AGBL1: variants seen among roughly 807,000 people sequenced by gnomAD.
The protein encoded by AGBL1 is cytosolic carboxypeptidase 4.
Under a neutral mutation model 118.9 loss-of-function variants are expected in AGBL1, and 130 were observed. That is an observed-to-expected ratio of 1.09 (90% confidence interval 0.95 to 1.26). The LOEUF is 1.26. Ranked by LOEUF, AGBL1 falls within the 50% of genes most tolerant of loss-of-function variation. AGBL1 has a pLI of 0.00. For missense variants in AGBL1, 1,584 were observed against 1,298.1 expected, an observed-to-expected ratio of 1.22 and a Z score of -3.38; for synonymous variants, 555 against 478.9, an observed-to-expected ratio of 1.16 and a Z score of -2.08.
intron 18 of AGBL1, among the ~76,000 whole-genome samples, chr15:86,402,279 G>A (rs1262425552): frequency 2.0e-5 from 3 of 152,068 alleles, no homozygotes; most frequent in African/African-American, 7.2e-5. Flanking sequence ...TACTGTTAGT[G>A]TATAGCAGTG....
intron 21 of AGBL1, among the ~76,000 whole-genome samples, chr15:86,620,987 G>A (rs1387590367): frequency 2.1e-5 from 3 of 141,550 alleles, no homozygotes; most frequent in Admixed American, 2.1e-4. Context: ...CATAGCTATT[G>A]CTGCTAAGTT....
chr15:86,571,506 G>C (rs1289209037), intron 21 of AGBL1, among the ~76,000 whole-genome samples: 1 of 152,110 alleles, frequency 6.6e-6, no homozygotes, highest in Non-Finnish European at 1.5e-5. Flanking sequence ...GAGGGTACTT[G>C]CTCTCTGCAG....
rs146866863 is a variant in AGBL1 at position 86,664,612 on chromosome 15, C to T, written c.2995-9661C>T. Among the ~76,000 whole-genome samples the T allele has an allele frequency of 2.6e-5, 4 of 152,146 alleles. No homozygotes were observed. In the East Asian group the frequency reaches 7.7e-4, roughly 29 times the overall value. ...AGACCTTTTTGCTGGGGGTTTACCT[C>T]CCCTGCCAAGTAGACACAAGCCTAG... On this transcript the variant is annotated intron_variant, in intron 21 of 22. Transcript: ENST00000614907.
chr15:86,663,447 C>T (rs1269819379), intron 21 of AGBL1, among the ~76,000 whole-genome samples: 3 of 152,140 alleles, frequency 2.0e-5, no homozygotes, highest in Non-Finnish European at 4.4e-5. Context: ...AAAGAGATTA[C>T]TCCTGCTAGT....
chr15:87,027,869 C>G (rs961438375), intron 24 of AGBL1, among the ~76,000 whole-genome samples: 1 of 151,858 alleles, frequency 6.6e-6, no homozygotes, highest in Non-Finnish European at 1.5e-5. Context: ...ACAACACACA[C>G]TGGGGCCTCT....
chr15:86,771,473 A>G (rs1269645259), intron 22 of AGBL1, among the ~76,000 whole-genome samples: 2 of 151,968 alleles, frequency 1.3e-5, no homozygotes, highest in Admixed American at 6.6e-5. Flanking sequence ...GACTCTGGAT[A>G]ACTTTTTGGA....
chr15:86,993,615 T>G (rs930176144), intron 24 of AGBL1, among the ~76,000 whole-genome samples: 3 of 152,200 alleles, frequency 2.0e-5, no homozygotes, highest in African/African-American at 7.2e-5. Flanking sequence ...GCTGCCTTTG[T>G]TGAAGTTCAG....
At chr15:86,271,817 A>G (rs936737226) in intron 15 of AGBL1, 111 bp downstream of exon 15, 9 of 1,020,246 alleles carry the variant, frequency 8.8e-6, no homozygotes, top group Non-Finnish European at 1.3e-5. Context: ...TGTCTGCTAA[A>G]CTTTTTGTCA....
chr15:86,676,526 A>G (rs2085850439), intron 22 of AGBL1, among the ~76,000 whole-genome samples: 1 of 152,102 alleles, frequency 6.6e-6, no homozygotes, highest in African/African-American at 2.4e-5. Context: ...TCTGAAGAAT[A>G]AAGTTAAATC....
At chr15:86,634,217 T>C (rs1235114584) in intron 21 of AGBL1, among the ~76,000 whole-genome samples, 1 of 152,126 alleles carries the variant, frequency 6.6e-6, no homozygotes, top group Non-Finnish European at 1.5e-5. Flanking sequence ...GCTGGGTGTA[T>C]ATGCAAGAGA....
chr15:86,783,543 C>T (rs990411724), intron 22 of AGBL1, among the ~76,000 whole-genome samples: 1 of 152,216 alleles, frequency 6.6e-6, no homozygotes, highest in African/African-American at 2.4e-5. Flanking sequence ...AGGTGCAGGA[C>T]TCCCTGCCAT....
intron 5 of AGBL1, among the ~76,000 whole-genome samples, chr15:86,167,036 C>G (rs769796603): frequency 1.3e-5 from 2 of 152,100 alleles, no homozygotes; most frequent in Non-Finnish European, 2.9e-5. Context: ...AGAAGTTAAT[C>G]TTCTTGCCCA....
chr15:86,827,473 A>G lies in AGBL1; in HGVS notation c.3159-79614A>G, dbSNP rs1235261975. On this transcript the variant is annotated intron_variant, in intron 22 of 22. Coordinates refer to ENST00000614907, the MANE Select transcript of AGBL1 (RefSeq NM_001386094.1). ...TGTATATATATATATATATATACAT[A>G]TATATATATATGTGTGTATATATAT... 5.1e-3 allele frequency among the ~76,000 whole-genome samples: 60 copies of G among 11,866 alleles called. 17 individuals are homozygous for G. The highest frequency in any genetic ancestry group is 6.7e-3 in the Admixed American group (5 of 746). 7.8% of individuals were successfully genotyped at this position (11,866 alleles called of 152,430 possible).
intron 21 of AGBL1, among the ~76,000 whole-genome samples, chr15:86,625,484 T>C (rs1480908433): frequency 6.6e-6 from 1 of 150,602 alleles, no homozygotes; most frequent in African/African-American, 2.4e-5. Context: ...TCCAGATCTG[T>C]CCAGATTAAT....
chr15:86,272,426 A>T (rs769421811), intron 15 of AGBL1, among the ~76,000 whole-genome samples: 30 of 152,218 alleles, frequency 2.0e-4, no homozygotes, highest in Non-Finnish European at 3.2e-4. Flanking sequence ...ATAATTAATT[A>T]TTAGTTCAGT....
At chr15:86,607,165 C>T (rs1414240899) in intron 21 of AGBL1, among the ~76,000 whole-genome samples, 3 of 152,302 alleles carry the variant, frequency 2.0e-5, no homozygotes, top group African/African-American at 7.2e-5. Flanking sequence ...TTTCACACTA[C>T]ACATTCCATT....
chr15:86,224,784 A>G (rs948849320), intron 5 of AGBL1, 130 bp from the exon 6 acceptor site: 2 of 825,422 alleles, frequency 2.4e-6, no homozygotes, highest in East Asian at 2.5e-5. Flanking sequence ...GGGGCAATCA[A>G]TAGATTGCCT....
At chr15:86,295,685 C>A (rs2079624588) in intron 17 of AGBL1, 2 of 253,066 alleles carry the variant, frequency 7.9e-6, no homozygotes, top group African/African-American at 4.5e-5. Context: ...TAAAACAGAA[C>A]CAGGACCCTG....
intron 22 of AGBL1, among the ~76,000 whole-genome samples, chr15:86,686,122 C>T (rs1033472629): frequency 9.2e-5 from 14 of 151,966 alleles, no homozygotes; most frequent in African/African-American, 2.7e-4. Context: ...GAAACTTCTC[C>T]TCCCCACTCT....
Sources: gnomAD v4.1 joint callset for allele counts (sites outside exome capture counted in the v4.1 genomes callset) on GRCh38, gnomAD v4.1.1 for gene constraint, MANE v1.5 for transcripts, NCBI Gene and HGNC (gene_info 2026-07-23, HGNC 2026-07-21) for gene names.